PCDHB9: variants seen among roughly 807,000 people sequenced by gnomAD.
PCDHB9 encodes protocadherin beta 9, also known as protocadherin beta-9.
For synonymous variants in PCDHB9, 501 were observed against 439.7 expected (o/e 1.14, Z -1.75); for missense variants, 1,072 against 995.1 (o/e 1.08, Z -1.04).
At position 141,188,795 on chromosome 5, in the gene PCDHB9, C is replaced by G; in HGVS notation, c.1477C>G (p.Pro493Ala). The change falls in exon 1 of 1, where the codon CCC becomes GCC. Residue 493 changes from proline (P) to alanine (A), a missense_variant. Coordinates refer to ENST00000316105, the MANE Select transcript of PCDHB9 (RefSeq NM_019119.5). ...CCAGGTCACCTACTCGCTGCTGCCGCCCCAGGACCCACACCTGCCCCTCGC... is the reference window on the plus strand; with the variant it reads ...CCAGGTCACCTACTCGCTGCTGCCGGCCCAGGACCCACACCTGCCCCTCGC... ...NAQVTYSLLP[P>A]QDPHLPLASL... 6.2e-7 allele frequency: 1 copy of G among 1,612,950 alleles called. No homozygotes were observed. The highest frequency in any genetic ancestry group is 8.5e-7 in the Non-Finnish European group (1 of 1,180,034).
rs1563950399 is a variant in PCDHB9 at position 141,191,367 on chromosome 5, T to C, written c.*1655T>C. ...TTAATAGTGTTAAGATAGGTGTTAG[T>C]GTGGTCTGTTCTTTACCTCCCTTTA... On this transcript the variant is annotated 3_prime_UTR_variant, in exon 1 of 1. Transcript: ENST00000316105. 1 of 152,200 alleles carries C rather than the reference T, an allele frequency of 6.6e-6. No homozygotes were observed. The highest frequency in any genetic ancestry group is 2.4e-5 in the African/African-American group (1 of 41,426). 9.4% of individuals were successfully genotyped at this position (152,200 alleles called of 1,614,324 possible). A position where few individuals can be genotyped will look rare whatever the true frequency, so the allele number is the denominator to read the frequency against.
chr5:141,187,178 GAGA>G lies in PCDHB9; in HGVS notation c.-134_-132del, dbSNP rs1310051731. 2.6e-5 allele frequency: 30 copies of G among 1,158,950 alleles called. No homozygotes were observed. The highest frequency in any genetic ancestry group is 2.4e-4 in the Middle Eastern group (1 of 4,194). The allele number at this position is 1,158,950 out of a possible 1,614,324, so 71.8% of individuals were successfully genotyped here. A position where few individuals can be genotyped will look rare whatever the true frequency, so the allele number is the denominator to read the frequency against. On this transcript the variant is annotated 5_prime_UTR_variant, in exon 1 of 1. Transcript: ENST00000316105. Reference sequence around the variant, plus strand: ...AAGGAAACACTGAGACAGATGGGCTGAGAAGAAGAGCTGTCGAGTCCCTGATTG... The same window carrying G: ...AAGGAAACACTGAGACAGATGGGCTGAGAAGAGCTGTCGAGTCCCTGATTG...
At position 141,188,372 on chromosome 5, in the gene PCDHB9, C is replaced by T. The variant is rs782468205; in HGVS notation, c.1054C>T (p.Leu352Phe). ...TCCTCCTGAACTGATCATATCATCACTTTCCAACTCTGTTGCTGAAAACTC... is the reference window on the plus strand; with the variant it reads ...TCCTCCTGAACTGATCATATCATCATTTTCCAACTCTGTTGCTGAAAACTC... ...DNPPELIISS[L>F]SNSVAENSPG... is the part of the protein sequence containing the mutation. Residue 352 changes from leucine (L) to phenylalanine (F), a missense_variant, in exon 1 of 1, where the codon CTT becomes TTT. Physicochemically the swap from Leu to Phe is conservative, Grantham distance 22. Coordinates refer to ENST00000316105, the MANE Select transcript of PCDHB9 (RefSeq NM_019119.5). 3 of 1,614,056 alleles carry T rather than the reference C, an allele frequency of 1.9e-6. No individual in the cohort carries two copies. Among genetic ancestry groups the T allele is most frequent in the East Asian group, 2.2e-5 (1 of 44,888 alleles).
rs367988857 is a variant in PCDHB9, at chr5:141,187,542, T to C, written c.224T>C (p.Leu75Pro). ...GTTTCCGATGATAACAAACAATACC[T>C]GCTCCTGGATTCACATACCGGGAAT... ...RVVSDDNKQYLLLDSHTGNLL... is the reference protein window; with the variant it reads ...RVVSDDNKQYPLLDSHTGNLL... Residue 75 changes from leucine to proline, a missense_variant, in exon 1 of 1, where the codon CTG (leucine) becomes CCG (proline). Physicochemically the swap from Leu to Pro is moderately conservative, Grantham distance 98. Transcript: ENST00000316105. 1 of 1,608,322 alleles carries C rather than the reference T, an allele frequency of 6.2e-7. No homozygotes were observed.
In PCDHB9 at chr5:141,188,526, T is replaced by A. The variant is rs1324414444; in HGVS notation, c.1208T>A (p.Leu403Gln). ...LKPSVDNFYILMTEGALDRES... is the reference protein window; with the variant it reads ...LKPSVDNFYIQMTEGALDRES... ...CCGTCTGTTGACAATTTTTACATCC[T>A]AATGACTGAAGGTGCACTGGACAGA... is the stretch of plus-strand genomic sequence containing the variant. Residue 403 changes from leucine to glutamine, a missense_variant, in exon 1 of 1, where the codon CTA becomes CAA. Transcript: ENST00000316105. 6.2e-7 allele frequency: 1 copy of A among 1,614,080 alleles called. No homozygotes were observed. The highest frequency in any genetic ancestry group is 8.5e-7 in the Non-Finnish European group (1 of 1,180,038).
At position 141,188,589 on chromosome 5, in the gene PCDHB9, C is replaced by G. The variant is rs1753802476; in HGVS notation, c.1271C>G (p.Thr424Ser). Residue 424 changes from threonine (T) to serine (S), a missense_variant, in exon 1 of 1, where the codon ACT (threonine) becomes AGT (serine). Thr to Ser is a moderately conservative substitution (Grantham distance 58). Coordinates refer to ENST00000316105, the MANE Select transcript of PCDHB9 (RefSeq NM_019119.5). Reference protein sequence around the residue: ...KAEYNITITVTDLGTPRLKTE... With the variant: ...KAEYNITITVSDLGTPRLKTE... ...GAGTACAACATCACCATCACCGTCA[C>G]TGACTTGGGGACACCCAGGCTGAAA... 6.2e-7 allele frequency: 1 copy of G among 1,614,210 alleles called. No individual in the cohort carries two copies. Among genetic ancestry groups the G allele is most frequent in the Non-Finnish European group, 8.5e-7 (1 of 1,180,038 alleles).
rs17844547 is a variant in PCDHB9, at chr5:141,189,482, G to C, written c.2164G>C (p.Val722Leu). 3.1e-6 allele frequency: 5 copies of C among 1,613,370 alleles called. No individual in the cohort carries two copies. The highest frequency in any genetic ancestry group is 1.7e-5 in the Admixed American group (1 of 60,020). The change falls in exon 1 of 1, where the codon GTG becomes CTG. Residue 722 changes from valine (V) to leucine (L), a missense_variant. Physicochemically the swap from Val to Leu is conservative, Grantham distance 32. Coordinates refer to ENST00000316105, the MANE Select transcript of PCDHB9 (RefSeq NM_019119.5). ...RLCRRSRAASVGRCSVPEGPF... is the reference protein window; with the variant it reads ...RLCRRSRAASLGRCSVPEGPF... ...GTGCAGGAGGAGCAGGGCGGCCTCG[G>C]TGGGTCGCTGCTCGGTGCCCGAGGG...
Position 141,189,295 on chromosome 5 carries a change from C to G in PCDHB9, c.1977C>G (p.His659Gln), listed in dbSNP as rs374473147. 9.9e-6 allele frequency: 16 copies of G among 1,609,458 alleles called. No individual in the cohort carries two copies. The East Asian group carries it at 1.6e-4, about 16-fold the overall frequency. The change falls in exon 1 of 1, where the codon CAC becomes CAG. Residue 659 changes from histidine to glutamine, a missense_variant. Coordinates refer to ENST00000316105, the MANE Select transcript of PCDHB9 (RefSeq NM_019119.5). ...CTCGCTCGGCCACCGCCACGCTGCA[C>G]GTGCTCCTGGTGGACGGCTTCTCCC... ...EPPRSATATL[H>Q]VLLVDGFSQP... is the part of the protein sequence containing the mutation.
At position 141,189,374 on chromosome 5, in the gene PCDHB9, C is replaced by T. The variant is rs1201589542; in HGVS notation, c.2056C>T (p.Leu686Phe). The change falls in exon 1 of 1, where the codon CTC becomes TTC. Residue 686 changes from leucine (L) to phenylalanine (F), a missense_variant. Physicochemically the swap from Leu to Phe is conservative, Grantham distance 22. Transcript: ENST00000316105. ...CCCGGCCCAGGCCCAGGCCGACTTG[C>T]TCACCGTCTACCTGGTGGTGGCGTT... is the stretch of plus-strand genomic sequence containing the variant. Reference protein sequence around the residue: ...AAPAQAQADLLTVYLVVALAS... With the variant: ...AAPAQAQADLFTVYLVVALAS... The T allele has an allele frequency of 1.3e-5, 21 of 1,611,684 alleles. No homozygotes were observed. Among genetic ancestry groups the T allele is most frequent in the Middle Eastern group, 1.9e-4 (1 of 5,328 alleles).
chr5:141,189,574 GGT>G lies in PCDHB9; in HGVS notation c.2261_2262del (p.Cys754SerfsTer24), dbSNP rs1753847855. 1 of 1,614,110 alleles carries G rather than the reference GGT, an allele frequency of 6.2e-7. No individual in the cohort carries two copies. Among genetic ancestry groups the G allele is most frequent in the African/African-American group, 1.3e-5 (1 of 75,000 alleles). On this transcript the variant is annotated frameshift_variant, in exon 1 of 1. Transcript: ENST00000316105. LOFTEE classifies it low-confidence loss of function (END_TRUNC). ...GTLFQSYQYE[V>X]CLTGGSETGE... ...CCCTGTTCCAGAGCTACCAGTACGA[GGT>G]GTGTCTGACTGGAGGTTCAGAGACC...
At position 141,189,466 on chromosome 5, in the gene PCDHB9, G is replaced by A. The variant is rs1266196908; in HGVS notation, c.2148G>A (p.Arg716=). 3 of 1,612,746 alleles carry A rather than the reference G, an allele frequency of 1.9e-6. No individual in the cohort carries two copies. The Admixed American group carries it at 5.0e-5, about 27-fold the overall frequency. ...TCGTGGCGGTGCGGCTGTGCAGGAG[G>A]AGCAGGGCGGCCTCGGTGGGTCGCT... ...LLFVAVRLCR[R]SRAASVGRCS... Residue 716 remains arginine (R), a synonymous_variant, in exon 1 of 1, where the codon AGG becomes AGA. Transcript: ENST00000316105.
chr5:141,187,944 G>C lies in PCDHB9; in HGVS notation c.626G>C (p.Ser209Thr). The C allele has an allele frequency of 6.2e-7, 1 of 1,614,148 alleles. No homozygotes were observed. Among genetic ancestry groups the C allele is most frequent in the Non-Finnish European group, 8.5e-7 (1 of 1,180,038 alleles). Reference protein sequence around the residue: ...ALDREEQEELSLTLTALDGGS... With the variant: ...ALDREEQEELTLTLTALDGGS... Reference sequence around the variant, plus strand: ...GATCGGGAGGAGCAGGAAGAGCTCAGCTTAACCCTCACAGCGCTGGATGGT... The same window carrying C: ...GATCGGGAGGAGCAGGAAGAGCTCACCTTAACCCTCACAGCGCTGGATGGT... The change falls in exon 1 of 1, where the codon AGC (serine) becomes ACC (threonine). Residue 209 changes from serine (S) to threonine (T), a missense_variant. Ser to Thr is a moderately conservative substitution (Grantham distance 58). Coordinates refer to ENST00000316105, the MANE Select transcript of PCDHB9 (RefSeq NM_019119.5).
In PCDHB9 at chr5:141,189,270, C is replaced by A; in HGVS notation, c.1952C>A (p.Pro651His). Residue 651 changes from proline (P) to histidine (H), a missense_variant, in exon 1 of 1, where the codon CCT (proline) becomes CAT (histidine). Pro to His is a moderately conservative substitution (Grantham distance 77). Coordinates refer to ENST00000316105, the MANE Select transcript of PCDHB9 (RefSeq NM_019119.5). ...VVLVKDNGEP[P>H]RSATATLHVL... ...CTTGTCAAGGACAATGGCGAGCCTC[C>A]TCGCTCGGCCACCGCCACGCTGCAC... 1 of 1,608,032 alleles carries A rather than the reference C, an allele frequency of 6.2e-7. No individual in the cohort carries two copies. The highest frequency in any genetic ancestry group is 1.1e-5 in the South Asian group (1 of 90,994).
In PCDHB9 at chr5:141,189,942, T is replaced by TA; in HGVS notation, c.*235dup. 1 of 418,658 alleles carries TA rather than the reference T, an allele frequency of 2.4e-6. No homozygotes were observed. Among genetic ancestry groups the TA allele is most frequent in the Non-Finnish European group, 4.1e-6 (1 of 243,730 alleles). 25.9% of individuals were successfully genotyped at this position (418,658 alleles called of 1,614,324 possible). On this transcript the variant is annotated 3_prime_UTR_variant, in exon 1 of 1. Transcript: ENST00000316105. ...AATATTTTTCAAAGTTGATATCATT[T>TA]AAAAATTTTTGGTCGTTTTAAATGT... is the stretch of plus-strand genomic sequence containing the variant.
chr5:141,188,520 A>G lies in PCDHB9; in HGVS notation c.1202A>G (p.Tyr401Cys), dbSNP rs1753799614. 6.2e-7 allele frequency: 1 copy of G among 1,614,078 alleles called. No homozygotes were observed. Among genetic ancestry groups the G allele is most frequent in the African/African-American group, 1.3e-5 (1 of 74,912 alleles). ...FFLKPSVDNFYILMTEGALDR... is the reference protein window; with the variant it reads ...FFLKPSVDNFCILMTEGALDR... Reference sequence around the variant, plus strand: ...CTGAAACCGTCTGTTGACAATTTTTACATCCTAATGACTGAAGGTGCACTG... The same window carrying G: ...CTGAAACCGTCTGTTGACAATTTTTGCATCCTAATGACTGAAGGTGCACTG... Residue 401 changes from tyrosine to cysteine, a missense_variant, in exon 1 of 1, where the codon TAC (tyrosine) becomes TGC (cysteine). Coordinates refer to ENST00000316105, the MANE Select transcript of PCDHB9 (RefSeq NM_019119.5).
Position 141,187,245 on chromosome 5 carries a change from A to G in PCDHB9, c.-74A>G, listed in dbSNP as rs1199648164. On this transcript the variant is annotated 5_prime_UTR_variant, in exon 1 of 1. Coordinates refer to ENST00000316105, the MANE Select transcript of PCDHB9 (RefSeq NM_019119.5). ...TAAAAACCCTAGATCTCTGGTACAC[A>G]TAAGTCTGGGTTTGCGATTGCTATT... 8.2e-6 allele frequency: 12 copies of G among 1,459,630 alleles called. No individual in the cohort carries two copies. In the Admixed American group the frequency reaches 1.4e-4, roughly 17 times the overall value. 90.4% of individuals were successfully genotyped at this position (1,459,630 alleles called of 1,614,324 possible).
At position 141,188,873 on chromosome 5, in the gene PCDHB9, C is replaced by G; in HGVS notation, c.1555C>G (p.Leu519Val). Residue 519 changes from leucine (L) to valine (V), a missense_variant, in exon 1 of 1, where the codon CTG (leucine) becomes GTG (valine). Leu to Val is a conservative substitution (Grantham distance 32, BLOSUM62 1). Transcript: ENST00000316105. ...TGGCCACCTGTTTGCCCTCAGGTCG[C>G]TGGACTACGAGGCCCTGCAGGCTTT... ...DNGHLFALRS[L>V]DYEALQAFDF... 6.2e-6 allele frequency: 10 copies of G among 1,612,762 alleles called. No individual in the cohort carries two copies. Among genetic ancestry groups the G allele is most frequent in the South Asian group, 1.1e-5 (1 of 91,010 alleles).
chr5:141,187,964 G>A lies in PCDHB9; in HGVS notation c.646G>A (p.Asp216Asn). 2 of 1,614,004 alleles carry A rather than the reference G, an allele frequency of 1.2e-6. No individual in the cohort carries two copies. The highest frequency in any genetic ancestry group is 1.7e-6 in the Non-Finnish European group (2 of 1,179,972). ...GCTCAGCTTAACCCTCACAGCGCTG[G>A]ATGGTGGGTCTCCATCCAGGTCTGG... is the stretch of plus-strand genomic sequence containing the variant. ...EELSLTLTAL[D>N]GGSPSRSGTS... Residue 216 changes from aspartate to asparagine, a missense_variant, in exon 1 of 1, where the codon GAT (aspartate) becomes AAT (asparagine). Transcript: ENST00000316105.
Position 141,188,356 on chromosome 5 carries a change from A to G in PCDHB9, c.1038A>G (p.Glu346=), listed in dbSNP as rs1554282987. The G allele has an allele frequency of 2.5e-6, 4 of 1,614,084 alleles. No individual in the cohort carries two copies. Among genetic ancestry groups the G allele is most frequent in the Non-Finnish European group, 3.4e-6 (4 of 1,179,986 alleles). ...KVLDSNDNPP[E]LIISSLSNSV... is the part of the protein sequence containing the mutation. The stretch of plus-strand genomic sequence containing the variant: ...TAGATTCCAATGACAATCCTCCTGA[A>G]CTGATCATATCATCACTTTCCAACT... Residue 346 remains glutamate, a synonymous_variant, in exon 1 of 1, where the codon GAA becomes GAG. Transcript: ENST00000316105.
Sources: allele counts gnomAD v4.1 joint callset, GRCh38; gene constraint gnomAD v4.1.1; transcripts MANE v1.5; gene names NCBI Gene and HGNC (gene_info 2026-07-23, HGNC 2026-07-21).